Variants in LRP6 observed in about 807,000 individuals in gnomAD.
LRP6 encodes the protein low-density lipoprotein receptor-related protein 6.
Under a neutral mutation model 184.1 loss-of-function variants are expected in LRP6, and 43 were observed. The ratio of observed to expected loss-of-function variants is 0.23; its 90% confidence interval spans 0.18 to 0.30. The LOEUF is 0.30. LRP6 is among the 10% of genes least tolerant of loss of function. LRP6 has a pLI of 1.00. For synonymous variants in LRP6, 719 were observed against 684.9 expected (o/e 1.05, Z -0.78); for missense variants, 1,571 against 2,005.3 (o/e 0.78, Z 4.14).
intron 15 of LRP6, among the ~76,000 whole-genome samples, chr12:12,143,973 T>C (rs1473663695): frequency 6.6e-6 from 1 of 152,172 alleles, no homozygotes; most frequent in Non-Finnish European, 1.5e-5. Flanking sequence ...TAATTTCTCA[T>C]CCCTCAACTC....
Position 12,119,986 on chromosome 12 carries a change from ACAAAAT to A in LRP6, c.*1134_*1139del, listed in dbSNP as rs1327022443. The A allele has an allele frequency of 1.1e-4, 12 of 109,552 alleles. No homozygotes were observed. Among genetic ancestry groups the A allele is most frequent in the African/African-American group, 2.7e-4 (8 of 29,860 alleles). 6.8% of individuals were successfully genotyped at this position (109,552 alleles called of 1,614,324 possible). A position where few individuals can be genotyped will look rare whatever the true frequency, so the allele number is the denominator to read the frequency against. ...TTTTACTCAGAAAACAAACAAACAA[ACAAAAT>A]ATATATATATATATATATATATATA... On this transcript the variant is annotated 3_prime_UTR_variant, in exon 23 of 23. Transcript: ENST00000261349.
intron 2 of LRP6, among the ~76,000 whole-genome samples, chr12:12,218,417 C>T (rs1591957763): frequency 6.6e-6 from 1 of 151,276 alleles, no homozygotes; most frequent in East Asian, 1.9e-4. Flanking sequence ...GTTGAGGCTG[C>T]AATGAGCCAT....
intron 15 of LRP6, among the ~76,000 whole-genome samples, chr12:12,145,719 C>T (rs1949998199): frequency 6.6e-6 from 1 of 150,664 alleles, no homozygotes; most frequent in South Asian, 2.1e-4. Context: ...GCAACCACCG[C>T]CTCCCATGTT....
At chr12:12,164,170 C>T in intron 9 of LRP6, 103 bp downstream of exon 9, 1 of 1,035,800 alleles carries the variant, frequency 9.7e-7, no homozygotes, top group Non-Finnish European at 1.4e-6. Context: ...TTGAACTCTG[C>T]CTGTCAAACA....
chr12:12,215,145 T>A (rs1361403160), intron 2 of LRP6, among the ~76,000 whole-genome samples: 2 of 152,154 alleles, frequency 1.3e-5, no homozygotes, highest in Non-Finnish European at 2.9e-5. Flanking sequence ...AAACCCCTGG[T>A]GTTTTGGTAA....
At chr12:12,148,438 G>C (rs933638722) in intron 14 of LRP6, among the ~76,000 whole-genome samples, 1 of 152,188 alleles carries the variant, frequency 6.6e-6, no homozygotes, top group East Asian at 1.9e-4. Context: ...AGATACAACT[G>C]ATTATTGAGT....
chr12:12,162,504 G>C (rs1405821665), intron 9 of LRP6, 85 bp from the exon 10 acceptor site: 1 of 1,114,124 alleles, frequency 9.0e-7, no homozygotes, highest in East Asian at 2.3e-5. Flanking sequence ...TTTTGTCAGG[G>C]GCAAGAGGAT....
chr12:12,200,099 G>A (rs1295567726), intron 3 of LRP6, among the ~76,000 whole-genome samples: 1 of 151,552 alleles, frequency 6.6e-6, no homozygotes, highest in East Asian at 1.9e-4. Flanking sequence ...GCATGAGGGT[G>A]ATCTGCAAGA....
At chr12:12,148,816 G>A (rs1950043579) in intron 14 of LRP6, 126 bp downstream of exon 14, 10 of 789,330 alleles carry the variant, frequency 1.3e-5, no homozygotes, top group South Asian at 1.2e-4. Context: ...GAAACAAACT[G>A]ATAGAGAATA....
At chr12:12,198,362 T>C (rs779650186) in intron 3 of LRP6, among the ~76,000 whole-genome samples, 2 of 152,126 alleles carry the variant, frequency 1.3e-5, no homozygotes, top group African/African-American at 2.4e-5. Flanking sequence ...TCTCAAATCA[T>C]CTTTTGTCTT....
chr12:12,135,374 A>G (rs190595717), intron 16 of LRP6, 74 bp from the exon 17 acceptor site: 12 of 995,028 alleles, frequency 1.2e-5, no homozygotes, highest in Admixed American at 7.2e-5. Flanking sequence ...GAAGAGAAAA[A>G]GGGACAACCC....
intron 11 of LRP6, 76 bp downstream of exon 11, chr12:12,159,704 A>G: frequency 7.3e-7 from 1 of 1,370,942 alleles, no homozygotes; most frequent in South Asian, 1.2e-5. Flanking sequence ...AAAAGTATCT[A>G]ACCAATGATA....
chr12:12,231,180 C>CAAA (rs10661340), intron 2 of LRP6, among the ~76,000 whole-genome samples: 1,720 of 23,566 alleles, frequency 0.073, 638 homozygotes, highest in Middle Eastern at 0.25. Flanking sequence ...GACTCCATCT[C>CAAA]AAAAAAAAAA....
intron 17 of LRP6, among the ~76,000 whole-genome samples, chr12:12,133,246 T>C (rs887524694): frequency 5.9e-5 from 9 of 152,214 alleles, no homozygotes; most frequent in Non-Finnish European, 1.3e-4. Flanking sequence ...TGATATAGTT[T>C]GGATATTTGT....
Position 12,159,794 on chromosome 12 carries a change from G to T in LRP6, c.2450C>A (p.Ser817Tyr). The T allele has an allele frequency of 6.2e-7, 1 of 1,614,108 alleles. No individual in the cohort carries two copies. The highest frequency in any genetic ancestry group is 8.5e-7 in the Non-Finnish European group (1 of 1,180,000). The change falls in exon 11 of 23, where the codon TCT becomes TAT. Residue 817 changes from serine (S) to tyrosine (Y), a missense_variant. Around this residue, in one of 4 missense-constraint regions of LRP6, gnomAD observed 158 missense variants for 258.4 expected, o/e 0.61. Coordinates refer to ENST00000261349, the MANE Select transcript of LRP6 (RefSeq NM_002336.3). ...GTAAAGCTTACCAAGCATATTTGAAGATTCTATTAAGTTGGTGTCCAGGTC... is the reference window on the plus strand; with the variant it reads ...GTAAAGCTTACCAAGCATATTTGAATATTCTATTAAGTTGGTGTCCAGGTC... ...WTDLDTNLIE[S>Y]SNMLGLNREV...
intron 3 of LRP6, among the ~76,000 whole-genome samples, chr12:12,196,845 AAAT>A (rs1863775318): frequency 6.6e-6 from 1 of 152,156 alleles, no homozygotes; most frequent in Non-Finnish European, 1.5e-5. Flanking sequence ...ACCAGAAGGC[AAAT>A]AATGTCTGTT....
intron 1 of LRP6, among the ~76,000 whole-genome samples, chr12:12,257,779 CAAAAAAAA>C (rs1163180718): frequency 7.5e-3 from 266 of 35,300 alleles, no homozygotes; most frequent in Middle Eastern, 0.033. Flanking sequence ...CCTGTCTCTA[CAAAAAAAA>C]AAAAAAAAAA....
intron 2 of LRP6, among the ~76,000 whole-genome samples, chr12:12,208,945 G>C (rs1339731427): frequency 6.6e-6 from 1 of 152,078 alleles, no homozygotes; most frequent in East Asian, 1.9e-4. Flanking sequence ...CAAGTCCACA[G>C]CACACTTCAT....
At chr12:12,126,534 G>A (rs1949673505) in intron 20 of LRP6, among the ~76,000 whole-genome samples, 157 bp downstream of exon 20, 1 of 152,194 alleles carries the variant, frequency 6.6e-6, no homozygotes, top group Non-Finnish European at 1.5e-5. Flanking sequence ...GTAAAGAGAA[G>A]GTGCTAATAG....
Sources: allele counts gnomAD v4.1 joint callset (sites outside exome capture counted in the v4.1 genomes callset), GRCh38; gene constraint gnomAD v4.1.1; regional missense constraint gnomAD v4.1.1; transcripts MANE v1.5; gene names NCBI Gene and HGNC (gene_info 2026-07-23, HGNC 2026-07-21).